Variants in EPRS1 observed in about 807,000 individuals in gnomAD.
EPRS1 encodes glutamyl-prolyl-tRNA synthetase 1.
A neutral mutation model predicts 188.3 loss-of-function variants in EPRS1; 107 were observed. That is an observed-to-expected ratio of 0.57 (90% CI 0.49 to 0.67). EPRS1 has a LOEUF of 0.67. Among genes scored for constraint, EPRS1 ranks in the 30% least tolerant of loss-of-function variants. EPRS1 has a pLI of 0.00. For synonymous variants in EPRS1, 596 were observed against 593.1 expected (o/e 1.00, Z -0.07); for missense variants, 1,577 against 1,802.2 (o/e 0.88, Z 2.26).
rs1571682793 is a variant in EPRS1 at position 220,012,053 on chromosome 1, A to G, written c.1495-997T>C. The stretch of plus-strand genomic sequence containing the variant: ...TAGTTTTCAGCTTCTAAAAAGAATG[A>G]TATCGTGGAAATTCTGAATGAACTC... On this transcript the variant is annotated intron_variant, in intron 12 of 31. Coordinates refer to ENST00000366923, the MANE Select transcript of EPRS1 (RefSeq NM_004446.3). Among the ~76,000 whole-genome samples, 6 of 152,118 alleles carry G rather than the reference A, an allele frequency of 3.9e-5. No individual in the cohort carries two copies. In the South Asian group the frequency reaches 1.2e-3, roughly 32 times the overall value.
At chr1:219,991,860 C>T (rs1661131208) in intron 18 of EPRS1, among the ~76,000 whole-genome samples, 1 of 152,120 alleles carries the variant, frequency 6.6e-6, no homozygotes, top group South Asian at 2.1e-4. Flanking sequence ...TGAAGATTTT[C>T]CAGAAGATCC....
At chr1:220,002,349 GA>G (rs1470299513) in intron 16 of EPRS1, among the ~76,000 whole-genome samples, 4 of 140,634 alleles carry the variant, frequency 2.8e-5, no homozygotes, top group Non-Finnish European at 6.3e-5. Context: ...AAAAAAAAAA[GA>G]AAAAAAATTG....
intron 1 of EPRS1, among the ~76,000 whole-genome samples, chr1:220,042,847 G>C (rs1662324708): frequency 6.6e-6 from 1 of 152,058 alleles, no homozygotes; most frequent in Non-Finnish European, 1.5e-5. Flanking sequence ...CATGAAACTG[G>C]GAGGCAGAGG....
At chr1:220,034,713 G>T (rs932422880) in intron 3 of EPRS1, among the ~76,000 whole-genome samples, 7 of 152,050 alleles carry the variant, frequency 4.6e-5, no homozygotes, top group African/African-American at 1.7e-4. Context: ...GGGACTAAAG[G>T]TTCAAACTTA....
chr1:219,998,522 C>G (rs1419946087), intron 17 of EPRS1, among the ~76,000 whole-genome samples: 1 of 148,514 alleles, frequency 6.7e-6, no homozygotes, highest in East Asian at 2.0e-4. Context: ...CACCCTATAT[C>G]AAAAATATAT....
chr1:220,024,716 C>G (rs371490765), intron 7 of EPRS1, among the ~76,000 whole-genome samples: 2 of 152,186 alleles, frequency 1.3e-5, no homozygotes, highest in South Asian at 4.1e-4. Flanking sequence ...CTGGTCATTA[C>G]TGGGAGAACT....
At chr1:219,980,689 T>C (rs1660877599) in intron 25 of EPRS1, 67 bp downstream of exon 25, 2 of 1,129,720 alleles carry the variant, frequency 1.8e-6, no homozygotes, top group Non-Finnish European at 2.6e-6. Context: ...ACATTTTAAA[T>C]AACAAAATTG....
At chr1:219,977,744 G>A (rs1469933272) in intron 28 of EPRS1, among the ~76,000 whole-genome samples, 1 of 152,090 alleles carries the variant, frequency 6.6e-6, no homozygotes, top group African/African-American at 2.4e-5. Context: ...TTACCTCAGG[G>A]GCAATGTGAA....
At chr1:219,975,370 T>C (rs772958672) in intron 28 of EPRS1, among the ~76,000 whole-genome samples, 4 of 152,178 alleles carry the variant, frequency 2.6e-5, no homozygotes, top group Non-Finnish European at 5.9e-5. Flanking sequence ...AGGCTTTTCA[T>C]TGTCAGAAAA....
At position 220,011,047 on chromosome 1, in the gene EPRS1, G is replaced by A; in HGVS notation, c.1504C>T (p.Pro502Ser). The A allele has an allele frequency of 6.2e-7, 1 of 1,600,124 alleles. No homozygotes were observed. The highest frequency in any genetic ancestry group is 1.1e-5 in the South Asian group (1 of 90,750). ...IWAFNKKVIDPVAPRYVALLK... is the reference protein window; with the variant it reads ...IWAFNKKVIDSVAPRYVALLK... ...AATGCAACATATCGTGGAGCCACTG[G>A]GTCAATAACCTGCAACAAATACATC... Residue 502 changes from proline to serine, a missense_variant, in exon 13 of 32, where the codon CCA becomes TCA. Physicochemically the swap from Pro to Ser is moderately conservative, Grantham distance 74. This residue lies in a region of EPRS1 where 1,278 missense variants were observed against 1,457.4 expected (regional missense o/e 0.88). Transcript: ENST00000366923.
At chr1:219,991,301 T>G (rs905781473) in intron 18 of EPRS1, among the ~76,000 whole-genome samples, 1 of 151,708 alleles carries the variant, frequency 6.6e-6, no homozygotes. Context: ...AGCCTGGATA[T>G]CTCGATTCTA....
intron 23 of EPRS1, among the ~76,000 whole-genome samples, chr1:219,981,735 T>C (rs1326340608): frequency 6.6e-6 from 1 of 152,254 alleles, no homozygotes; most frequent in Non-Finnish European, 1.5e-5. Context: ...GTTAATGTAC[T>C]TCGACGGTTT....
Position 220,022,397 on chromosome 1 carries a change from G to C in EPRS1, c.1065C>G (p.Thr355=), listed in dbSNP as rs1299445777. Residue 355 remains threonine, a synonymous_variant, in exon 9 of 32, where the codon ACC becomes ACG. Coordinates refer to ENST00000366923, the MANE Select transcript of EPRS1 (RefSeq NM_004446.3). Reference sequence around the variant, plus strand: ...GTGGTTGAATTTTGCAGCGATAAAGGGTTGGATCTCTCATGCATCCATTGT... The same window carrying C: ...GTGGTTGAATTTTGCAGCGATAAAGCGTTGGATCTCTCATGCATCCATTGT... ...SSNNGCMRDP[T]LYRCKIQPHP... 1 of 1,613,964 alleles carries C rather than the reference G, an allele frequency of 6.2e-7. No individual in the cohort carries two copies. Among genetic ancestry groups the C allele is most frequent in the East Asian group, 2.2e-5 (1 of 44,864 alleles).
At chr1:219,977,425 G>C (rs1445224827) in intron 28 of EPRS1, among the ~76,000 whole-genome samples, 2 of 152,102 alleles carry the variant, frequency 1.3e-5, no homozygotes, top group African/African-American at 2.4e-5. Flanking sequence ...GATGAGAAAT[G>C]AATAAAAGAG....
At chr1:220,040,327 G>C in intron 1 of EPRS1, 58 bp from the exon 2 acceptor site, 1 of 1,157,738 alleles carries the variant, frequency 8.6e-7, no homozygotes, top group Non-Finnish European at 1.3e-6. Context: ...TTTATAACTT[G>C]AATCATAAAG....
intron 5 of EPRS1, 67 bp from the exon 6 acceptor site, chr1:220,030,547 A>T: frequency 3.5e-6 from 4 of 1,147,730 alleles, no homozygotes; most frequent in Non-Finnish European, 5.3e-6. Context: ...ACACTCATTC[A>T]ACAAATGTGC....
rs776902823 is a variant in EPRS1, at chr1:220,006,139, C to T, written c.1917G>A (p.Glu639=). The T allele has an allele frequency of 1.9e-6, 3 of 1,591,148 alleles. No individual in the cohort carries two copies. The highest frequency in any genetic ancestry group is 2.3e-5 in the East Asian group (1 of 43,942). The change falls in exon 15 of 32, where the codon GAG becomes GAA. Residue 639 remains glutamate, a synonymous_variant. Coordinates refer to ENST00000366923, the MANE Select transcript of EPRS1 (RefSeq NM_004446.3). ...LITKPVLGKD[E]DFKQYVNKNS... ...TCTTGTTGACATACTGCTTAAAGTC[C>T]TCGTCTTTTCCTAGCACTGGCTTTG...
intron 3 of EPRS1, 90 bp downstream of exon 3, chr1:220,034,824 T>C (rs1662147281): frequency 7.6e-6 from 6 of 788,882 alleles, no homozygotes; most frequent in South Asian, 5.5e-5. Flanking sequence ...TTAAGTAGAA[T>C]AGTTCATAAG....
At chr1:219,988,545 T>C (rs777826448) in intron 19 of EPRS1, 45 bp downstream of exon 19, 8 of 1,358,750 alleles carry the variant, frequency 5.9e-6, no homozygotes, top group African/African-American at 2.9e-5. Flanking sequence ...GACAATACCC[T>C]GAAACATAAA....
Sources: allele counts gnomAD v4.1 joint callset (sites outside exome capture counted in the v4.1 genomes callset), GRCh38; gene constraint gnomAD v4.1.1; regional missense constraint gnomAD v4.1.1; transcripts MANE v1.5; gene names NCBI Gene and HGNC (gene_info 2026-07-23, HGNC 2026-07-21).